Variants in FMN2 observed in about 807,000 individuals in gnomAD.
FMN2 encodes the protein formin-2.
A neutral mutation model predicts 142.3 loss-of-function variants in FMN2; 51 were observed. The observed-to-expected ratio is 0.36, with a 90% CI of 0.29 to 0.45. The LOEUF (loss-of-function observed/expected upper bound fraction) is 0.45, where lower values mean the gene tolerates loss of function less well. Ranked by LOEUF, FMN2 falls within the 20% of genes least tolerant of loss-of-function variation. The pLI, the probability that FMN2 is intolerant of heterozygous loss-of-function variation, is 1.00. For missense variants in FMN2, 1,936 were observed against 2,122.8 expected, an observed-to-expected ratio of 0.91 and a Z score of 1.73; for synonymous variants, 882 against 869.8, an observed-to-expected ratio of 1.01 and a Z score of -0.25.
rs35191164 is a variant in FMN2, at chr1:240,098,097, A to ATTTTTTTTTTTTTTTTTTTTTTTT, written c.1615+4394_1615+4395insTTTTTTTTTTTTTTTTTTTTTTTT. On this transcript the variant is annotated intron_variant, in intron 1 of 17. Transcript: ENST00000319653. ...TTGGCCTTTCTAAAGGTTATCTTGAATTTTTTTTTTTTTTTTTTTTTGGAG... is the reference window on the plus strand; with the variant it reads ...TTGGCCTTTCTAAAGGTTATCTTGAATTTTTTTTTTTTTTTTTTTTTTTTTTTTTTTTTTTTTTTTTTTTTGGAG... Among the ~76,000 whole-genome samples, 59 of 98,662 alleles carry ATTTTTTTTTTTTTTTTTTTTTTTT rather than the reference A, an allele frequency of 6.0e-4. 5 individuals carry two copies. The highest frequency in any genetic ancestry group is 5.7e-3 in the Middle Eastern group (1 of 176). The allele number at this position is 98,662 out of a possible 152,430, so 64.7% of individuals were successfully genotyped here. A position where few individuals can be genotyped will look rare whatever the true frequency, so the allele number is the denominator to read the frequency against.
intron 8 of FMN2, among the ~76,000 whole-genome samples, chr1:240,315,027 G>A (rs1670727700): frequency 6.6e-6 from 1 of 152,172 alleles, no homozygotes; most frequent in East Asian, 1.9e-4. Context: ...TTTCCTTGAT[G>A]GCAGGCAAGC....
In FMN2 at chr1:240,092,555, C is replaced by T. The variant is rs755973393; in HGVS notation, c.446C>T (p.Pro149Leu). The change falls in exon 1 of 18, where the codon CCT becomes CTT. Residue 149 changes from proline (P) to leucine (L), a missense_variant. By Grantham distance (98) the Pro-to-Leu change is moderately conservative (BLOSUM62 -3). Transcript: ENST00000319653. Reference sequence around the variant, plus strand: ...GTGACCGGTCCAGGGGGTCCTGGGCCTGCCGAGGCTAGGGTCGGGGGCCGG... The same window carrying T: ...GTGACCGGTCCAGGGGGTCCTGGGCTTGCCGAGGCTAGGGTCGGGGGCCGG... ...FEVTGPGGPGPAEARVGGRPI... is the reference protein window; with the variant it reads ...FEVTGPGGPGLAEARVGGRPI... The T allele has an allele frequency of 6.2e-7, 1 of 1,613,020 alleles. No homozygotes were observed. The highest frequency in any genetic ancestry group is 1.1e-5 in the South Asian group (1 of 90,976).
chr1:240,207,387 C>T lies in FMN2; in HGVS notation c.2575C>T (p.Pro859Ser), dbSNP rs145077825. The change falls in exon 5 of 18, where the codon CCA becomes TCA. Residue 859 changes from proline (P) to serine (S), a missense_variant. Physicochemically the swap from Pro to Ser is moderately conservative, Grantham distance 74. Transcript: ENST00000319653. ...AAACAGCTGTAACATCCCATCTCCACCACCTCTGCCTTGCACAGAGTCCTC... is the reference window on the plus strand; with the variant it reads ...AAACAGCTGTAACATCCCATCTCCATCACCTCTGCCTTGCACAGAGTCCTC... ...FKNSCNIPSP[P>S]PLPCTESSSS... 6.1e-5 allele frequency: 99 copies of T among 1,613,904 alleles called. No individual in the cohort carries two copies. Among genetic ancestry groups the T allele is most frequent in the Admixed American group, 2.2e-4 (13 of 60,002 alleles).
At chr1:240,168,939 G>A (rs1039153943) in intron 2 of FMN2, among the ~76,000 whole-genome samples, 5 of 152,250 alleles carry the variant, frequency 3.3e-5, no homozygotes, top group South Asian at 2.1e-4. Context: ...ATGGCCAGGT[G>A]TGGTGGCTCA....
intron 16 of FMN2, among the ~76,000 whole-genome samples, chr1:240,461,369 G>A (rs545957105): frequency 6.6e-6 from 1 of 152,160 alleles, no homozygotes; most frequent in Admixed American, 6.5e-5. Flanking sequence ...TTATCTGTAA[G>A]CTCTCCTAGC....
At chr1:240,144,771 G>A in intron 2 of FMN2, 1 of 1,384,804 alleles carries the variant, frequency 7.2e-7, no homozygotes, top group Non-Finnish European at 1.0e-6. Context: ...CAGGCCTCAT[G>A]CTCTGCGTCG....
intron 1 of FMN2, among the ~76,000 whole-genome samples, chr1:240,111,632 T>C (rs1380834447): frequency 6.6e-6 from 1 of 152,150 alleles, no homozygotes; most frequent in Admixed American, 6.5e-5. Flanking sequence ...GCTTCTTTAC[T>C]GCAATCTGTC....
chr1:240,331,305 A>G (rs1572201745), intron 11 of FMN2, among the ~76,000 whole-genome samples: 2 of 152,224 alleles, frequency 1.3e-5, no homozygotes, highest in East Asian at 3.9e-4. Flanking sequence ...AGACCTAATC[A>G]TTTTTTGGTA....
intron 2 of FMN2, chr1:240,144,272 C>G (rs567156552): frequency 6.2e-7 from 1 of 1,602,536 alleles, no homozygotes; most frequent in Non-Finnish European, 8.5e-7. Context: ...CAGGTTCATG[C>G]GGGCAGAGTC....
At chr1:240,157,504 G>C (rs1344453102) in intron 2 of FMN2, among the ~76,000 whole-genome samples, 1 of 152,104 alleles carries the variant, frequency 6.6e-6, no homozygotes, top group Admixed American at 6.6e-5. Flanking sequence ...CCATGTCTGG[G>C]TTATCTGAAG....
chr1:240,328,674 C>A (rs1244815701), intron 8 of FMN2, among the ~76,000 whole-genome samples: 1 of 152,022 alleles, frequency 6.6e-6, no homozygotes, highest in Non-Finnish European at 1.5e-5. Flanking sequence ...ACTGCAACCT[C>A]CTCCTCCCAG....
chr1:240,457,864 C>T (rs1410264607), intron 16 of FMN2: 1 of 152,266 alleles, frequency 6.6e-6, no homozygotes, highest in Non-Finnish European at 1.5e-5. Flanking sequence ...CAAGTGAGGT[C>T]AGGCCTTTAA....
chr1:240,213,456 T>G (rs1418281958), intron 6 of FMN2, among the ~76,000 whole-genome samples: 2 of 152,204 alleles, frequency 1.3e-5, no homozygotes, highest in Non-Finnish European at 2.9e-5. Flanking sequence ...AAGTGATGGA[T>G]TGCTGAAGAA....
chr1:240,376,911 A>G (rs569415630), intron 14 of FMN2, among the ~76,000 whole-genome samples: 83 of 152,252 alleles, frequency 5.5e-4, no homozygotes, highest in Non-Finnish European at 8.8e-4. Context: ...ATAGTATTAC[A>G]CAACTTCACA....
chr1:240,313,971 G>C (rs1670681313), intron 8 of FMN2, among the ~76,000 whole-genome samples: 1 of 151,856 alleles, frequency 6.6e-6, no homozygotes, highest in African/African-American at 2.4e-5. Context: ...GCAAGACTCT[G>C]TCTCAGAAAA....
Position 240,121,380 on chromosome 1 carries a change from T to A in FMN2, c.1616-1799T>A, listed in dbSNP as rs562196870. On this transcript the variant is annotated intron_variant, in intron 1 of 17. Transcript: ENST00000319653. ...GCCAGTGTCTTATTTTTTTTATTTT[T>A]ATTTTTTTTTTTTTGAGACGGAGTC... Among the ~76,000 whole-genome samples, 1,002 of 141,040 alleles carry A rather than the reference T, an allele frequency of 7.1e-3. 11 individuals carry two copies. Among genetic ancestry groups the A allele is most frequent in the African/African-American group, 0.026 (948 of 35,936 alleles). 92.5% of individuals were successfully genotyped at this position (141,040 alleles called of 152,430 possible).
At chr1:240,369,362 G>T (rs893506434) in intron 14 of FMN2, among the ~76,000 whole-genome samples, 1 of 152,036 alleles carries the variant, frequency 6.6e-6, no homozygotes, top group African/African-American at 2.4e-5. Context: ...CCTTTCCAGT[G>T]TTTTAGTTTC....
In FMN2 at chr1:240,285,702, T is replaced by C. The variant is rs145545430; in HGVS notation, c.4154-9120T>C. 4.8e-3 allele frequency among the ~76,000 whole-genome samples: 724 copies of C among 152,244 alleles called. 9 individuals are homozygous for C. Among genetic ancestry groups the C allele is most frequent in the South Asian group, 0.025 (120 of 4,822 alleles). The stretch of plus-strand genomic sequence containing the variant: ...TAGCACGTGTATCGGAAGGAATTTA[T>C]AACTGTGTCACATGCTGCCAAGGGT... On this transcript the variant is annotated intron_variant, in intron 7 of 17. Coordinates refer to ENST00000319653, the MANE Select transcript of FMN2 (RefSeq NM_020066.5).
intron 2 of FMN2, among the ~76,000 whole-genome samples, chr1:240,132,940 G>A (rs1416660145): frequency 2.6e-5 from 4 of 152,098 alleles, no homozygotes; most frequent in African/African-American, 7.2e-5. Flanking sequence ...CTCATTCCAG[G>A]GTTATGTTGC....
Sources: gnomAD v4.1 joint callset for allele counts (sites outside exome capture counted in the v4.1 genomes callset) on GRCh38, gnomAD v4.1.1 for gene constraint, MANE v1.5 for transcripts, NCBI Gene and HGNC (gene_info 2026-07-23, HGNC 2026-07-21) for gene names.